The following DCC variants were observed in gnomAD, a reference collection of about 807,000 sequenced individuals.
DCC encodes DCC netrin 1 receptor, also known as netrin receptor DCC.
In DCC, 58 loss-of-function variants were observed where a neutral mutation model predicts 172.5. The ratio of observed to expected loss-of-function variants is 0.34; its 90% confidence interval spans 0.27 to 0.42. DCC has a LOEUF of 0.42. Ranked by LOEUF, DCC falls within the 10% of genes least tolerant of loss-of-function variation. The pLI is 1.00. For synonymous variants in DCC, 709 were observed against 644.5 expected (o/e 1.10, Z -1.52); for missense variants, 1,740 against 1,791.0 (o/e 0.97, Z 0.51).
chr18:52,354,058 A>C (rs1984250407), intron 1 of DCC, among the ~76,000 whole-genome samples: 2 of 152,218 alleles, frequency 1.3e-5, no homozygotes, highest in African/African-American at 4.8e-5. Flanking sequence ...CTAGGCAGAG[A>C]GAGTGGGATA....
At chr18:52,575,998 ACTT>A (rs935278976) in intron 1 of DCC, among the ~76,000 whole-genome samples, 4 of 152,146 alleles carry the variant, frequency 2.6e-5, no homozygotes, top group Non-Finnish European at 5.9e-5. Context: ...CTCTCTCCAG[ACTT>A]CTTCATCCTG....
rs1316394193 is a variant in DCC at position 53,429,009 on chromosome 18, T to C, written c.3164-6135T>C. Among the ~76,000 whole-genome samples the C allele has an allele frequency of 2.6e-5, 2 of 78,406 alleles. 1 individual carries two copies. Among genetic ancestry groups the C allele is most frequent in the Non-Finnish European group, 4.7e-5 (2 of 42,546 alleles). 51.4% of individuals were successfully genotyped at this position (78,406 alleles called of 152,430 possible). Reference sequence around the variant, plus strand: ...TTTTATATATTTTTTATATAATATATATTTTATATATTTTTTATATAATAT... The same window carrying C: ...TTTTATATATTTTTTATATAATATACATTTTATATATTTTTTATATAATAT... On this transcript the variant is annotated intron_variant, in intron 21 of 28. Coordinates refer to ENST00000442544, the MANE Select transcript of DCC (RefSeq NM_005215.4).
intron 2 of DCC, among the ~76,000 whole-genome samples, chr18:52,873,758 C>A (rs1221673395): frequency 6.6e-6 from 1 of 151,906 alleles, no homozygotes; most frequent in Non-Finnish European, 1.5e-5. Flanking sequence ...TTAGTACTTG[C>A]CAGATGGATG....
chr18:52,564,925 C>T (rs896113332), intron 1 of DCC, among the ~76,000 whole-genome samples: 3 of 152,106 alleles, frequency 2.0e-5, no homozygotes, highest in Middle Eastern at 3.4e-3. Flanking sequence ...GAGAGTAATA[C>T]TGACTTCAGT....
chr18:53,526,783 G>T (rs920984213), intron 28 of DCC, 24 bp downstream of exon 28: 3 of 1,612,872 alleles, frequency 1.9e-6, no homozygotes, highest in Non-Finnish European at 1.7e-6. Flanking sequence ...TAAAATTCAT[G>T]CTTCATCAAG....
intron 5 of DCC, among the ~76,000 whole-genome samples, chr18:53,056,091 G>T (rs1032362389): frequency 6.6e-6 from 1 of 151,982 alleles, no homozygotes; most frequent in Admixed American, 6.6e-5. Flanking sequence ...CTGCTATAAA[G>T]GTACTACCTG....
At chr18:52,780,224 G>A (rs1266841674) in intron 2 of DCC, among the ~76,000 whole-genome samples, 1 of 152,044 alleles carries the variant, frequency 6.6e-6, no homozygotes, top group East Asian at 1.9e-4. Flanking sequence ...CAATAGATAT[G>A]TAGTTATACA....
At chr18:53,518,105 A>G (rs563441425) in intron 27 of DCC, among the ~76,000 whole-genome samples, 1 of 152,248 alleles carries the variant, frequency 6.6e-6, no homozygotes, top group South Asian at 2.1e-4. Flanking sequence ...TTACTTAATA[A>G]TAAGTATATA....
chr18:52,483,838 C>T (rs115273524), intron 1 of DCC, among the ~76,000 whole-genome samples: 5 of 151,968 alleles, frequency 3.3e-5, no homozygotes, highest in African/African-American at 9.6e-5. Context: ...TCCTATTCTT[C>T]GAATGTTGGA....
intron 2 of DCC, among the ~76,000 whole-genome samples, chr18:52,797,067 A>T (rs9952007): frequency 1.3e-5 from 2 of 150,872 alleles, no homozygotes; most frequent in East Asian, 3.9e-4. Context: ...GCCTATTGAC[A>T]CTTGTATTTT....
chr18:52,992,577 C>T (rs1329088161), intron 5 of DCC, among the ~76,000 whole-genome samples: 2 of 152,162 alleles, frequency 1.3e-5, no homozygotes, highest in Non-Finnish European at 2.9e-5. Flanking sequence ...GATACCACCT[C>T]CTTAAGCCAC....
intron 15 of DCC, among the ~76,000 whole-genome samples, chr18:53,356,040 C>CTTATT (rs1159516629): frequency 6.6e-6 from 1 of 151,866 alleles, no homozygotes; most frequent in Non-Finnish European, 1.5e-5. Flanking sequence ...AAACAGATAC[C>CTTATT]TTATTTTATT....
rs181015632 is a variant in DCC, at chr18:52,350,964, G to A, written c.91+10086G>A. Reference sequence around the variant, plus strand: ...GGCAATTTAGCTTACAGCCCAGTGAGATAAATATGCTAATCAAATACATAT... The same window carrying A: ...GGCAATTTAGCTTACAGCCCAGTGAAATAAATATGCTAATCAAATACATAT... On this transcript the variant is annotated intron_variant, in intron 1 of 28. Coordinates refer to ENST00000442544, the MANE Select transcript of DCC (RefSeq NM_005215.4). Among the ~76,000 whole-genome samples, 10 of 152,206 alleles carry A rather than the reference G, an allele frequency of 6.6e-5. No individual in the cohort carries two copies. The East Asian group carries it at 1.9e-3, about 29-fold the overall frequency.
intron 12 of DCC, among the ~76,000 whole-genome samples, chr18:53,274,503 T>C (rs1449729653): frequency 6.6e-6 from 1 of 152,200 alleles, no homozygotes; most frequent in South Asian, 2.1e-4. Context: ...TGCAGTATAT[T>C]GTGGACATCA....
Position 53,450,632 on chromosome 18 carries a change from G to T in DCC, c.3362G>T (p.Cys1121Phe), listed in dbSNP as rs1411405643. Residue 1121 changes from cysteine (C) to phenylalanine (F), a missense_variant, in exon 23 of 29, where the codon TGC (cysteine) becomes TTC (phenylalanine). Around this residue, in one of 2 missense-constraint regions of DCC, gnomAD observed 1,732 missense variants for 1,767.4 expected, o/e 0.98. Transcript: ENST00000442544. ...GTAGTGGTCATCGTGGCTGTGATTT[G>T]CACCCGACGCTCTTCAGCCCAGCAG... ...VLVVVIVAVI[C>F]TRRSSAQQRK... The T allele has an allele frequency of 6.2e-7, 1 of 1,610,106 alleles. No homozygotes were observed. The highest frequency in any genetic ancestry group is 2.2e-5 in the East Asian group (1 of 44,592).
At chr18:53,176,734 CT>C in intron 8 of DCC, among the ~76,000 whole-genome samples, 1 of 151,532 alleles carries the variant, frequency 6.6e-6, no homozygotes, top group Admixed American at 6.6e-5. Flanking sequence ...GTTGCTGGGA[CT>C]GTAAACTAGT....
intron 2 of DCC, among the ~76,000 whole-genome samples, chr18:52,765,565 CT>C (rs1325028158): frequency 6.6e-6 from 1 of 152,202 alleles, no homozygotes; most frequent in African/African-American, 2.4e-5. Flanking sequence ...GCTCCATCTT[CT>C]TTGTGCTCAC....
intron 5 of DCC, among the ~76,000 whole-genome samples, chr18:52,930,123 CT>C (rs1386842998): frequency 6.6e-6 from 1 of 151,530 alleles, no homozygotes; most frequent in East Asian, 1.9e-4. Context: ...TTTTCTTTTT[CT>C]TTTCTTTTTT....
intron 14 of DCC, among the ~76,000 whole-genome samples, chr18:53,328,809 T>G (rs1835619): frequency 0.16 from 24,794 of 152,122 alleles, 2,515 homozygotes; most frequent in African/African-American, 0.27. Flanking sequence ...CCTCAGGTGA[T>G]CTGCCTGCCT....
Sources: gnomAD v4.1 joint callset for allele counts (sites outside exome capture counted in the v4.1 genomes callset) on GRCh38, gnomAD v4.1.1 for gene constraint, gnomAD v4.1.1 regional missense constraint, MANE v1.5 for transcripts, NCBI Gene and HGNC (gene_info 2026-07-23, HGNC 2026-07-21) for gene names.